KIF16B: variants seen among roughly 807,000 people sequenced by gnomAD.
The protein encoded by KIF16B is kinesin-like protein KIF16B.
A neutral mutation model predicts 156.3 loss-of-function variants in KIF16B; 98 were observed. That is an observed-to-expected ratio of 0.63 (90% CI 0.53 to 0.74). KIF16B has a LOEUF of 0.74. Ranked by LOEUF, KIF16B falls within the 30% of genes least tolerant of loss-of-function variation. The pLI is 0.00. For synonymous variants in KIF16B, 564 were observed against 583.7 expected (o/e 0.97, Z 0.49); for missense variants, 1,421 against 1,606.5 (o/e 0.88, Z 1.97).
Position 16,542,827 on chromosome 20 carries a change from C to A in KIF16B, c.48-14387G>T, listed in dbSNP as rs147694535. Among the ~76,000 whole-genome samples, 5 of 152,282 alleles carry A rather than the reference C, an allele frequency of 3.3e-5. No homozygotes were observed. The East Asian group carries it at 9.6e-4, about 29-fold the overall frequency. On this transcript the variant is annotated intron_variant, in intron 1 of 25. Transcript: ENST00000354981. ...CTTAAATGTAATAGGAAGCCACAGC[C>A]ACCAGGTTTTGTGTACAGGGGAGTG...
chr20:16,508,723 T>C (rs941442718), intron 6 of KIF16B, among the ~76,000 whole-genome samples: 4 of 152,142 alleles, frequency 2.6e-5, no homozygotes, highest in Non-Finnish European at 5.9e-5. Context: ...GCCCGGGGGT[T>C]AGAGGCCTCT....
At chr20:16,530,534 C>T (rs1236317747) in intron 1 of KIF16B, among the ~76,000 whole-genome samples, 11 of 152,132 alleles carry the variant, frequency 7.2e-5, no homozygotes, top group Admixed American at 1.3e-4. Context: ...TGGCAGGGCA[C>T]GCTCCCCAAG....
intron 4 of KIF16B, among the ~76,000 whole-genome samples, chr20:16,514,579 T>TAAA (rs1367916198): frequency 8.9e-5 from 2 of 22,408 alleles, no homozygotes; most frequent in African/African-American, 3.4e-4. Flanking sequence ...CACTAAGAAA[T>TAAA]AAGAAAAAAA....
At chr20:16,489,296 C>A (rs1308616709) in intron 12 of KIF16B, among the ~76,000 whole-genome samples, 1 of 152,118 alleles carries the variant, frequency 6.6e-6, no homozygotes, top group Non-Finnish European at 1.5e-5. Flanking sequence ...CCAATCTCCA[C>A]AGGGATCCAG....
intron 1 of KIF16B, among the ~76,000 whole-genome samples, chr20:16,565,775 C>T (rs895610632): frequency 2.0e-5 from 3 of 152,184 alleles, no homozygotes; most frequent in East Asian, 1.9e-4. Flanking sequence ...CAGACCAACA[C>T]GCCCTTCTAC....
At chr20:16,450,706 C>T (rs907404597) in intron 12 of KIF16B, among the ~76,000 whole-genome samples, 3 of 152,198 alleles carry the variant, frequency 2.0e-5, no homozygotes, top group African/African-American at 7.2e-5. Flanking sequence ...CAGCACCTCA[C>T]AGTACCTGGT....
At chr20:16,276,613 T>A (rs1331978058) in intron 25 of KIF16B, among the ~76,000 whole-genome samples, 1 of 152,148 alleles carries the variant, frequency 6.6e-6, no homozygotes, top group African/African-American at 2.4e-5. Context: ...TAAAGTCTGT[T>A]AAGATGAGGC....
At chr20:16,406,524 T>C in intron 15 of KIF16B, 68 bp from the exon 16 acceptor site, 8 of 1,263,304 alleles carry the variant, frequency 6.3e-6, no homozygotes, top group South Asian at 2.4e-5. Flanking sequence ...TACCATAACA[T>C]GGAATTCTAC....
At chr20:16,424,503 C>T (rs2066305997) in intron 15 of KIF16B, among the ~76,000 whole-genome samples, 1 of 152,114 alleles carries the variant, frequency 6.6e-6, no homozygotes, top group African/African-American at 2.4e-5. Flanking sequence ...TCCTATGTCA[C>T]AACAGACTCA....
chr20:16,345,278 G>T (rs1293259381), intron 23 of KIF16B, among the ~76,000 whole-genome samples: 2 of 152,052 alleles, frequency 1.3e-5, no homozygotes, highest in Non-Finnish European at 2.9e-5. Context: ...CTGTTCCTTG[G>T]TATCCTGATG....
chr20:16,517,552 G>A (rs2069182899), intron 3 of KIF16B, among the ~76,000 whole-genome samples: 1 of 152,172 alleles, frequency 6.6e-6, no homozygotes, highest in Non-Finnish European at 1.5e-5. Context: ...TGCCAGAGCT[G>A]GGACTGCATG....
intron 24 of KIF16B, among the ~76,000 whole-genome samples, chr20:16,325,869 A>AGT (rs1381409901): frequency 5.9e-5 from 9 of 151,990 alleles, no homozygotes; most frequent in Admixed American, 5.9e-4. Flanking sequence ...GAACAAATCT[A>AGT]GAGGTGTCAC....
intron 12 of KIF16B, among the ~76,000 whole-genome samples, chr20:16,458,545 T>C (rs559044989): frequency 1.6e-4 from 25 of 152,306 alleles, no homozygotes; most frequent in African/African-American, 5.8e-4. Context: ...TTCGGAAAAC[T>C]CTGTCTTTAT....
intron 12 of KIF16B, among the ~76,000 whole-genome samples, chr20:16,439,593 A>G (rs976659550): frequency 1.3e-5 from 2 of 152,080 alleles, no homozygotes; most frequent in African/African-American, 4.8e-5. Flanking sequence ...TCTATTCGGG[A>G]CCAAAGACAC....
At chr20:16,298,295 C>G (rs2063420722) in intron 25 of KIF16B, among the ~76,000 whole-genome samples, 2 of 152,204 alleles carry the variant, frequency 1.3e-5, no homozygotes. Context: ...CCATGACTAT[C>G]CCTGCAGTTA....
intron 12 of KIF16B, among the ~76,000 whole-genome samples, chr20:16,484,960 A>T (rs1431831773): frequency 1.3e-5 from 2 of 152,166 alleles, no homozygotes; most frequent in Non-Finnish European, 2.9e-5. Flanking sequence ...AGAATTATTG[A>T]TCTGCCTGTA....
intron 23 of KIF16B, among the ~76,000 whole-genome samples, chr20:16,337,842 C>T (rs2064068858): frequency 6.6e-6 from 1 of 152,202 alleles, no homozygotes; most frequent in African/African-American, 2.4e-5. Flanking sequence ...CACAAGTGGG[C>T]CCTGCTGCCT....
At chr20:16,488,934 C>T (rs2068203894) in intron 12 of KIF16B, among the ~76,000 whole-genome samples, 1 of 152,204 alleles carries the variant, frequency 6.6e-6, no homozygotes. Flanking sequence ...GTGGAACACA[C>T]TTGGGTATCA....
At chr20:16,478,816 T>A (rs982569499) in intron 12 of KIF16B, among the ~76,000 whole-genome samples, 1 of 152,228 alleles carries the variant, frequency 6.6e-6, no homozygotes, top group African/African-American at 2.4e-5. Context: ...CATTATCATA[T>A]GTTTATGCAT....
Sources: gnomAD v4.1 joint callset for allele counts (sites outside exome capture counted in the v4.1 genomes callset) on GRCh38, gnomAD v4.1.1 for gene constraint, MANE v1.5 for transcripts, NCBI Gene and HGNC (gene_info 2026-07-23, HGNC 2026-07-21) for gene names.